DIP2B: variants seen among roughly 807,000 people sequenced by gnomAD.
The protein encoded by DIP2B is DIP2 acetate--CoA ligase B (putative), also known as disco-interacting protein 2 homolog B.
In DIP2B, 76 loss-of-function variants were observed where a neutral mutation model predicts 198.0. The observed-to-expected ratio is 0.38, with a 90% confidence interval of 0.32 to 0.46. DIP2B has a LOEUF of 0.46. DIP2B is among the 20% of genes least tolerant of loss of function. The probability of loss-of-function intolerance (pLI) is 0.99; values close to 1 mark genes in which losing one functional copy is unlikely to be tolerated. For missense variants in DIP2B, 1,559 were observed against 1,978.4 expected (o/e 0.79, Z 4.02); for synonymous variants, 701 against 739.1 (o/e 0.95, Z 0.84).
At chr12:50,602,704 C>A (rs1394419112) in intron 1 of DIP2B, among the ~76,000 whole-genome samples, 2 of 150,978 alleles carry the variant, frequency 1.3e-5, no homozygotes, top group Non-Finnish European at 1.5e-5. Context: ...ACTAAAAATA[C>A]AAAACTTAGC....
intron 1 of DIP2B, among the ~76,000 whole-genome samples, chr12:50,558,336 T>G (rs1225025889): frequency 2.0e-5 from 3 of 152,162 alleles, no homozygotes; most frequent in Non-Finnish European, 4.4e-5. Context: ...ACAAAATAGG[T>G]CTAGATGCAG....
intron 19 of DIP2B, among the ~76,000 whole-genome samples, chr12:50,701,822 CACTT>C (rs1356210081): frequency 2.2e-4 from 33 of 152,222 alleles, no homozygotes; most frequent in Non-Finnish European, 4.0e-4. Context: ...AAGTGAAACT[CACTT>C]CATCTGTAAA....
At chr12:50,706,320 G>T (rs1939512328) in intron 20 of DIP2B, among the ~76,000 whole-genome samples, 1 of 152,074 alleles carries the variant, frequency 6.6e-6, no homozygotes, top group South Asian at 2.1e-4. Flanking sequence ...TCCCTTCTTA[G>T]GTATCCTGTG....
chr12:50,624,591 T>C (rs1937895508), intron 1 of DIP2B, among the ~76,000 whole-genome samples: 1 of 152,176 alleles, frequency 6.6e-6, no homozygotes. Context: ...CTCGACCTAC[T>C]GAAGTGCTGG....
At chr12:50,531,641 T>C (rs938695711) in intron 1 of DIP2B, among the ~76,000 whole-genome samples, 6 of 152,120 alleles carry the variant, frequency 3.9e-5, no homozygotes, top group Admixed American at 1.3e-4. Flanking sequence ...CACTGCAGCC[T>C]GTTGAAAGTG....
At chr12:50,508,401 G>C (rs759775911) in intron 1 of DIP2B, among the ~76,000 whole-genome samples, 2 of 152,152 alleles carry the variant, frequency 1.3e-5, no homozygotes, top group Non-Finnish European at 2.9e-5. Flanking sequence ...CACTAATGGG[G>C]AGAATTAATT....
chr12:50,644,191 T>G (rs1398128761), intron 3 of DIP2B, among the ~76,000 whole-genome samples: 1 of 152,202 alleles, frequency 6.6e-6, no homozygotes. Flanking sequence ...AGAGGGAGCT[T>G]AATTTCAAGT....
chr12:50,539,177 G>T (rs1159028370), intron 1 of DIP2B, among the ~76,000 whole-genome samples: 2 of 151,504 alleles, frequency 1.3e-5, no homozygotes, highest in Admixed American at 6.6e-5. Flanking sequence ...ATGTGTCTAG[G>T]CATGTGTCTT....
intron 1 of DIP2B, among the ~76,000 whole-genome samples, chr12:50,540,841 A>C (rs1193505294): frequency 1.3e-5 from 2 of 152,108 alleles, no homozygotes; most frequent in Non-Finnish European, 2.9e-5. Flanking sequence ...CCAGCCAGCT[A>C]TGAACATTTT....
At chr12:50,547,784 G>A (rs1165734403) in intron 1 of DIP2B, among the ~76,000 whole-genome samples, 1 of 152,160 alleles carries the variant, frequency 6.6e-6, no homozygotes, top group African/African-American at 2.4e-5. Flanking sequence ...TAAAAAGGGT[G>A]TGAGCTGGGT....
intron 2 of DIP2B, among the ~76,000 whole-genome samples, chr12:50,636,080 A>C (rs1938154887): frequency 1.3e-5 from 2 of 152,236 alleles, no homozygotes; most frequent in South Asian, 4.1e-4. Flanking sequence ...GAGGATCATA[A>C]AAGAGAGTAG....
At chr12:50,649,874 T>A (rs1172006344) in intron 3 of DIP2B, among the ~76,000 whole-genome samples, 1 of 151,614 alleles carries the variant, frequency 6.6e-6, no homozygotes, top group Non-Finnish European at 1.5e-5. Flanking sequence ...AAGTATAAAC[T>A]TCAAAAATCA....
chr12:50,714,911 G>T (rs1939686880), intron 23 of DIP2B, among the ~76,000 whole-genome samples: 1 of 152,086 alleles, frequency 6.6e-6, no homozygotes, highest in African/African-American at 2.4e-5. Flanking sequence ...CTCTAATCTG[G>T]GCGACAGAAC....
chr12:50,519,970 G>T (rs1298822383), intron 1 of DIP2B, among the ~76,000 whole-genome samples: 1 of 149,388 alleles, frequency 6.7e-6, no homozygotes. Flanking sequence ...CAGAACTTAT[G>T]GCTTTTAATT....
chr12:50,697,533 CTTTT>C (rs11306905), intron 17 of DIP2B, among the ~76,000 whole-genome samples: 23 of 45,950 alleles, frequency 5.0e-4, no homozygotes, highest in South Asian at 2.4e-3. Flanking sequence ...TATAGATATA[CTTTT>C]TTTTTTTTTT....
intron 1 of DIP2B, among the ~76,000 whole-genome samples, chr12:50,623,437 ACT>A (rs142536204): frequency 0.011 from 620 of 57,014 alleles, 4 homozygotes; most frequent in East Asian, 0.035. Flanking sequence ...ACACACACAC[ACT>A]CTCTCTCTCT....
chr12:50,571,170 C>CG (rs748800257), intron 1 of DIP2B, among the ~76,000 whole-genome samples: 2 of 126,888 alleles, frequency 1.6e-5, no homozygotes, highest in East Asian at 2.2e-4. Flanking sequence ...TTGGCAGCCT[C>CG]TTTTTTTTTT....
intron 1 of DIP2B, among the ~76,000 whole-genome samples, chr12:50,523,642 T>C (rs959449329): frequency 6.6e-6 from 1 of 152,194 alleles, no homozygotes; most frequent in African/African-American, 2.4e-5. Context: ...TACTTGGCCT[T>C]ACCACATATT....
In DIP2B at chr12:50,685,837, C is replaced by T; in HGVS notation, c.1322C>T (p.Ala441Val). 1 of 1,613,376 alleles carries T rather than the reference C, an allele frequency of 6.2e-7. No homozygotes were observed. The highest frequency in any genetic ancestry group is 8.5e-7 in the Non-Finnish European group (1 of 1,179,560). Residue 441 changes from alanine to valine, a missense_variant, in exon 11 of 38, where the codon GCT (alanine) becomes GTT (valine). Transcript: ENST00000301180. ...TTCATTATCATTTCTCCACAGGATG[C>T]TGGAGGTCAGCAGATTGGCTTCTTG... The part of the protein sequence containing the change: ...PIEVPLTRKD[A>V]GGQQIGFLLG...
Sources: allele counts gnomAD v4.1 joint callset (sites outside exome capture counted in the v4.1 genomes callset), GRCh38; gene constraint gnomAD v4.1.1; transcripts MANE v1.5; gene names NCBI Gene and HGNC (gene_info 2026-07-23, HGNC 2026-07-21).